Variants in AKAP13 observed in about 807,000 individuals in gnomAD.
The protein encoded by AKAP13 is A-kinase anchor protein 13.
In AKAP13, 80 loss-of-function variants were observed where a neutral mutation model predicts 264.5. The observed-to-expected ratio is 0.30, with a 90% CI of 0.25 to 0.36. AKAP13 has a LOEUF of 0.36. Ranked by LOEUF, AKAP13 falls within the 10% of genes least tolerant of loss-of-function variation. The probability of loss-of-function intolerance (pLI) is 1.00; values close to 1 mark genes in which losing one functional copy is unlikely to be tolerated. For missense variants in AKAP13, 3,712 were observed against 3,435.2 expected, an observed-to-expected ratio of 1.08 and a Z score of -2.01; for synonymous variants, 1,380 against 1,250.2, an observed-to-expected ratio of 1.10 and a Z score of -2.19.
At chr15:85,671,301 C>G (rs1308562829) in intron 14 of AKAP13, among the ~76,000 whole-genome samples, 1 of 151,844 alleles carries the variant, frequency 6.6e-6, no homozygotes, top group African/African-American at 2.4e-5. Context: ...GCCAGACATG[C>G]TGACACATGC....
At position 85,581,934 on chromosome 15, in the gene AKAP13, C is replaced by T. The variant is rs755862888; in HGVS notation, c.3866C>T (p.Thr1289Ile). Residue 1289 changes from threonine to isoleucine, a missense_variant, in exon 7 of 37, where the codon ACT becomes ATT. Around this residue, in one of 3 missense-constraint regions of AKAP13, gnomAD observed 2,759 missense variants for 2,411.7 expected, o/e 1.14. Transcript: ENST00000394518. ...SLSSPELGPL[T>I]KGLESAFTEK... ...TCCAGCCCTGAGTTGGGTCCTCTCA[C>T]TAAAGGACTAGAGAGTGCTTTTACA... is the stretch of plus-strand genomic sequence containing the variant. 1 of 1,614,196 alleles carries T rather than the reference C, an allele frequency of 6.2e-7. No individual in the cohort carries two copies. The highest frequency in any genetic ancestry group is 8.5e-7 in the Non-Finnish European group (1 of 1,180,032).
At chr15:85,563,847 C>T (rs2078504973) in intron 5 of AKAP13, among the ~76,000 whole-genome samples, 1 of 152,190 alleles carries the variant, frequency 6.6e-6, no homozygotes, top group African/African-American at 2.4e-5. Context: ...TCACAGCAAC[C>T]TTTTAAAAGG....
At position 85,724,503 on chromosome 15, in the gene AKAP13, A is replaced by AC. The variant is rs1465309032; in HGVS notation, c.6745+1186dup. On this transcript the variant is annotated intron_variant, in intron 26 of 36. Transcript: ENST00000394518. The surrounding 1 kb of genome is among the most constrained non-coding windows in gnomAD (Gnocchi z 4.2). ...GTGGCACATCCAGGGAAGAGTGGACACCCGGGACTCTCACGTGAGAGAGCA... is the reference window on the plus strand; with the variant it reads ...GTGGCACATCCAGGGAAGAGTGGACACCCCGGGACTCTCACGTGAGAGAGCA... Among the ~76,000 whole-genome samples, 1 of 26,478 alleles carries AC rather than the reference A, an allele frequency of 3.8e-5. No individual in the cohort carries two copies. The highest frequency in any genetic ancestry group is 2.5e-4 in the African/African-American group (1 of 4,036). The allele number at this position is 26,478 out of a possible 152,430, so 17.4% of individuals were successfully genotyped here.
At chr15:85,523,284 A>G (rs1018343163) in intron 3 of AKAP13, among the ~76,000 whole-genome samples, 2 of 151,974 alleles carry the variant, frequency 1.3e-5, no homozygotes, top group Non-Finnish European at 2.9e-5. Flanking sequence ...TAGTTTGGTA[A>G]TTTATTGTGG....
At chr15:85,599,990 T>C (rs2151359647) in intron 8 of AKAP13, among the ~76,000 whole-genome samples, 1 of 152,340 alleles carries the variant, frequency 6.6e-6, no homozygotes, top group East Asian at 1.9e-4. Context: ...AACATCAAGC[T>C]GCCCTGAAAT....
In AKAP13 at chr15:85,446,269, A is replaced by T. The variant is rs537742900; in HGVS notation, c.-11-39441A>T. 2.6e-5 allele frequency among the ~76,000 whole-genome samples: 4 copies of T among 152,328 alleles called. No homozygotes were observed. In the East Asian group the frequency reaches 7.7e-4, roughly 29 times the overall value. ...CTTAGAGGCAAAGACAACAGCAGGG[A>T]ATAGGTCCAGGAGTGAGGACAACGA... On this transcript the variant is annotated intron_variant, in intron 1 of 36. Coordinates refer to ENST00000394518, the MANE Select transcript of AKAP13 (RefSeq NM_007200.5).
intron 1 of AKAP13, among the ~76,000 whole-genome samples, chr15:85,388,223 T>TC: frequency 6.6e-6 from 1 of 151,672 alleles, no homozygotes; most frequent in Non-Finnish European, 1.5e-5. Flanking sequence ...TTTTTTTTTT[T>TC]AAGTGGAGAC....
chr15:85,695,234 G>A (rs991027635), intron 17 of AKAP13, among the ~76,000 whole-genome samples: 17 of 152,146 alleles, frequency 1.1e-4, no homozygotes, highest in African/African-American at 3.4e-4. Flanking sequence ...GCGAAACCCC[G>A]TCTCTACTAA....
intron 8 of AKAP13, among the ~76,000 whole-genome samples, chr15:85,615,087 T>C (rs146669839): frequency 6.6e-6 from 1 of 152,378 alleles, no homozygotes; most frequent in African/African-American, 2.4e-5. Context: ...TGAGACCTTG[T>C]TCCTGTAAAG....
At chr15:85,508,552 G>C (rs2076312778) in intron 2 of AKAP13, among the ~76,000 whole-genome samples, 1 of 151,926 alleles carries the variant, frequency 6.6e-6, no homozygotes, top group South Asian at 2.1e-4. Context: ...TGTTTCATCT[G>C]GACCACTCTT....
intron 2 of AKAP13, among the ~76,000 whole-genome samples, chr15:85,494,013 C>T (rs371549045): frequency 6.6e-6 from 1 of 152,206 alleles, no homozygotes. Flanking sequence ...TTGCGCAGAA[C>T]AAGGGTACCC....
intron 5 of AKAP13, among the ~76,000 whole-genome samples, chr15:85,568,587 A>G (rs1243723124): frequency 2.6e-5 from 4 of 152,202 alleles, no homozygotes; most frequent in Non-Finnish European, 5.9e-5. Context: ...GGCATGGCCT[A>G]TAGAGGCACT....
rs747648968 is a variant in AKAP13, at chr15:85,578,926, C to A, written c.862-4C>A. On this transcript the variant is annotated splice_polypyrimidine_tract_variant and splice_region_variant and intron_variant, in intron 6 of 36. Transcript: ENST00000394518. ...TTTTAAAAGTGTATTTCATTTCCTC[C>A]TAGAAAACAAACCTCAAGCAGATGG... is the stretch of plus-strand genomic sequence containing the variant. 19 of 1,602,136 alleles carry A rather than the reference C, an allele frequency of 1.2e-5. No individual in the cohort carries two copies. The highest frequency in any genetic ancestry group is 1.6e-5 in the Non-Finnish European group (19 of 1,171,516).
intron 8 of AKAP13, among the ~76,000 whole-genome samples, chr15:85,633,636 C>T (rs1404157856): frequency 2.0e-5 from 3 of 148,872 alleles, no homozygotes; most frequent in Non-Finnish European, 4.4e-5. Context: ...CTGAGCCTCC[C>T]GGGTTCACGC....
intron 5 of AKAP13, among the ~76,000 whole-genome samples, chr15:85,565,731 G>A (rs995479120): frequency 6.6e-6 from 1 of 152,206 alleles, no homozygotes; most frequent in African/African-American, 2.4e-5. Flanking sequence ...CTAGGTATGG[G>A]CCTCATAGTT....
chr15:85,589,676 C>T (rs2079509513), intron 8 of AKAP13, among the ~76,000 whole-genome samples: 1 of 145,178 alleles, frequency 6.9e-6, no homozygotes, highest in South Asian at 2.2e-4. Context: ...CACCACTGCA[C>T]TCCAGCCTGG....
At chr15:85,568,197 G>A (rs970296394) in intron 5 of AKAP13, among the ~76,000 whole-genome samples, 4 of 152,174 alleles carry the variant, frequency 2.6e-5, no homozygotes, top group Admixed American at 2.0e-4. Context: ...CTACTCAGGG[G>A]GCTGAAGTGG....
intron 1 of AKAP13, among the ~76,000 whole-genome samples, chr15:85,436,765 C>T (rs1220515746): frequency 6.6e-6 from 1 of 151,848 alleles, no homozygotes; most frequent in Non-Finnish European, 1.5e-5. Flanking sequence ...TTCTTTGAAA[C>T]CAACGAGAAC....
intron 2 of AKAP13, among the ~76,000 whole-genome samples, chr15:85,488,832 T>G (rs556226717): frequency 6.6e-6 from 1 of 152,382 alleles, no homozygotes; most frequent in Non-Finnish European, 1.5e-5. Flanking sequence ...GTGAAAGTCA[T>G]TTTGGACTTC....
Sources: gnomAD v4.1 joint callset for allele counts (sites outside exome capture counted in the v4.1 genomes callset) on GRCh38, gnomAD v4.1.1 for gene constraint, gnomAD v4.1.1 regional missense constraint, Gnocchi (gnomAD v3.1) non-coding constraint, MANE v1.5 for transcripts, NCBI Gene and HGNC (gene_info 2026-07-23, HGNC 2026-07-21) for gene names.